NEK10: variants seen among roughly 807,000 people sequenced by gnomAD.
NEK10 encodes NIMA related kinase 10, also known as serine/threonine-protein kinase Nek10.
Under a neutral mutation model 159.8 loss-of-function variants are expected in NEK10, and 122 were observed. The observed-to-expected ratio is 0.76, with a 90% CI of 0.66 to 0.89. The LOEUF is 0.89. Ranked by LOEUF, NEK10 falls within the 40% of genes least tolerant of loss-of-function variation. The probability of loss-of-function intolerance (pLI) is 0.00; values close to 1 mark genes in which losing one functional copy is unlikely to be tolerated. For synonymous variants in NEK10, 466 were observed against 457.1 expected (o/e 1.02, Z -0.25); for missense variants, 1,342 against 1,323.1 (o/e 1.01, Z -0.22).
At chr3:27,134,570 GA>G (rs947711039) in intron 31 of NEK10, among the ~76,000 whole-genome samples, 37 of 152,186 alleles carry the variant, frequency 2.4e-4, no homozygotes, top group Admixed American at 3.3e-4. Context: ...GGTACTCTGA[GA>G]ATTCTTGCGA....
chr3:27,342,398 C>T (rs758918876), intron 5 of NEK10, among the ~76,000 whole-genome samples: 1 of 152,086 alleles, frequency 6.6e-6, no homozygotes, highest in African/African-American at 2.4e-5. Flanking sequence ...ATATTTAAGC[C>T]ATCTTTTACC....
Position 27,314,280 on chromosome 3 carries a change from C to G in NEK10, c.489+17G>C. On this transcript the variant is annotated intron_variant, in intron 7 of 35. Transcript: ENST00000691995. The stretch of plus-strand genomic sequence containing the variant: ...AAAATGAAAAGGCAAGACCAGCCAC[C>G]ACAAAAGGAATCTTACCTGAGCTAG... 1 of 1,587,502 alleles carries G rather than the reference C, an allele frequency of 6.3e-7. No homozygotes were observed. The highest frequency in any genetic ancestry group is 8.6e-7 in the Non-Finnish European group (1 of 1,161,296).
intron 6 of NEK10, among the ~76,000 whole-genome samples, chr3:27,321,131 G>A (rs78230751): frequency 1.3e-5 from 2 of 150,838 alleles, no homozygotes; most frequent in Non-Finnish European, 2.9e-5. Context: ...AGTAGCTTAC[G>A]AGGGCAGGGC....
At chr3:27,329,750 C>T (rs547721341) in intron 5 of NEK10, among the ~76,000 whole-genome samples, 4 of 152,264 alleles carry the variant, frequency 2.6e-5, no homozygotes, top group East Asian at 1.9e-4. Flanking sequence ...CAAGGGAATC[C>T]GTGAGGCATT....
chr3:27,284,844 A>G lies in NEK10; in HGVS notation c.1907T>C (p.Ile636Thr). ...TTAATGAAGATAAAAGCATACCTGT[A>G]TAAATATTTTCCATAGTCTTTCTTC... Reference protein sequence around the residue: ...FTEERLWKIFIQLCLALRYLH... With the variant: ...FTEERLWKIFTQLCLALRYLH... The change falls in exon 21 of 36, where the codon ATA (isoleucine) becomes ACA (threonine). Residue 636 changes from isoleucine to threonine, a missense_variant. Ile to Thr is a moderately conservative substitution (Grantham distance 89). Coordinates refer to ENST00000691995, the MANE Select transcript of NEK10 (RefSeq NM_001394966.1). The G allele has an allele frequency of 6.3e-7, 1 of 1,581,988 alleles. No homozygotes were observed. Among genetic ancestry groups the G allele is most frequent in the Non-Finnish European group, 8.7e-7 (1 of 1,152,528 alleles).
chr3:27,121,636 T>TC (rs1333979886), intron 32 of NEK10, among the ~76,000 whole-genome samples: 70 of 152,332 alleles, frequency 4.6e-4, no homozygotes, highest in African/African-American at 1.6e-3. Flanking sequence ...ATTGTGAGGC[T>TC]TCCCCAGCCA....
chr3:27,149,630 TCTGA>T (rs1398460106), intron 30 of NEK10, among the ~76,000 whole-genome samples: 3 of 152,204 alleles, frequency 2.0e-5, no homozygotes, highest in African/African-American at 7.2e-5. Flanking sequence ...TTGTGTGTAC[TCTGA>T]CTGTTCCATC....
chr3:27,185,112 CAAA>C (rs1948489924), intron 26 of NEK10, among the ~76,000 whole-genome samples: 1 of 151,980 alleles, frequency 6.6e-6, no homozygotes, highest in Admixed American at 6.6e-5. Flanking sequence ...AATTTTATAA[CAAA>C]GAAGTGAAGT....
chr3:27,248,510 T>C (rs1955324961), intron 23 of NEK10, among the ~76,000 whole-genome samples: 1 of 152,200 alleles, frequency 6.6e-6, no homozygotes, highest in Non-Finnish European at 1.5e-5. Context: ...CAAACTTCTC[T>C]CTTGGTACTA....
intron 24 of NEK10, among the ~76,000 whole-genome samples, chr3:27,201,884 C>T (rs1208086610): frequency 2.0e-5 from 3 of 152,052 alleles, no homozygotes; most frequent in Non-Finnish European, 4.4e-5. Context: ...ACCAGCTGGG[C>T]GCAGTGGCTC....
intron 25 of NEK10, among the ~76,000 whole-genome samples, chr3:27,194,858 T>C (rs149997186): frequency 3.9e-5 from 6 of 152,354 alleles, no homozygotes; most frequent in Non-Finnish European, 4.4e-5. Flanking sequence ...ATTCTCTTAA[T>C]AGTACACTAG....
chr3:27,221,231 T>G (rs1952069066), intron 23 of NEK10, among the ~76,000 whole-genome samples: 1 of 152,194 alleles, frequency 6.6e-6, no homozygotes, highest in African/African-American at 2.4e-5. Flanking sequence ...AGAGAACACA[T>G]AGAAGAACAC....
chr3:27,200,128 T>C (rs1340897586), intron 25 of NEK10, among the ~76,000 whole-genome samples: 1 of 151,882 alleles, frequency 6.6e-6, no homozygotes, highest in South Asian at 2.1e-4. Context: ...AAAAAATCAA[T>C]TAAAAAAATA....
chr3:27,284,744 A>G (rs2042450344), intron 21 of NEK10, 40 bp from the exon 22 acceptor site: 2 of 1,532,088 alleles, frequency 1.3e-6, no homozygotes, highest in Non-Finnish European at 1.8e-6. Flanking sequence ...ATTTCCCCCA[A>G]CATACATATA....
intron 22 of NEK10, among the ~76,000 whole-genome samples, chr3:27,283,139 C>G (rs994742280): frequency 3.3e-5 from 5 of 152,036 alleles, no homozygotes; most frequent in Non-Finnish European, 7.4e-5. Context: ...TATCATCATT[C>G]CTGAACACAT....
intron 1 of NEK10, among the ~76,000 whole-genome samples, chr3:27,358,936 G>C (rs1457193669): frequency 1.3e-5 from 2 of 152,158 alleles, no homozygotes; most frequent in African/African-American, 2.4e-5. Flanking sequence ...AGGGAGTGGT[G>C]GCTTATGCCT....
chr3:27,165,730 T>C (rs932360693), intron 29 of NEK10, among the ~76,000 whole-genome samples: 1 of 152,138 alleles, frequency 6.6e-6, no homozygotes, highest in Non-Finnish European at 1.5e-5. Flanking sequence ...TGAAAATGAG[T>C]GTTAGCCTAC....
At chr3:27,351,608 T>G (rs1211797094) in intron 3 of NEK10, among the ~76,000 whole-genome samples, 1 of 152,172 alleles carries the variant, frequency 6.6e-6, no homozygotes, top group Non-Finnish European at 1.5e-5. Context: ...TCAAATCATT[T>G]TCCAGTATAA....
At chr3:27,187,107 C>T (rs758894995) in intron 26 of NEK10, among the ~76,000 whole-genome samples, 2 of 152,240 alleles carry the variant, frequency 1.3e-5, no homozygotes, top group Admixed American at 6.5e-5. Context: ...ATAAAAGAGG[C>T]CATGAGTTAC....
Sources: gnomAD v4.1 joint callset for allele counts (sites outside exome capture counted in the v4.1 genomes callset) on GRCh38, gnomAD v4.1.1 for gene constraint, MANE v1.5 for transcripts, NCBI Gene and HGNC (gene_info 2026-07-23, HGNC 2026-07-21) for gene names.